The following PRPSAP1 variants were observed in gnomAD, a reference collection of about 807,000 sequenced individuals.
PRPSAP1 encodes the protein phosphoribosyl pyrophosphate synthase-associated protein 1.
In PRPSAP1, 31 loss-of-function variants were observed where a neutral mutation model predicts 39.4. That is an observed-to-expected ratio of 0.79 (90% CI 0.59 to 1.06). The LOEUF (loss-of-function observed/expected upper bound fraction) is 1.06. PRPSAP1 is among the 50% of genes least tolerant of loss of function. The probability of loss-of-function intolerance (pLI) is 0.00; values close to 1 mark genes in which losing one functional copy is unlikely to be tolerated. For missense variants in PRPSAP1, 430 were observed against 511.6 expected (o/e 0.84, Z 1.54); for synonymous variants, 212 against 192.6 (o/e 1.10, Z -0.83).
intron 3 of PRPSAP1, among the ~76,000 whole-genome samples, chr17:76,341,610 G>A (rs2071439708): frequency 6.6e-6 from 1 of 152,192 alleles, no homozygotes. Context: ...AATTAGGGTA[G>A]TAAAGAGACT....
chr17:76,351,959 G>T (rs2071578646), intron 1 of PRPSAP1, among the ~76,000 whole-genome samples: 1 of 151,522 alleles, frequency 6.6e-6, no homozygotes, highest in Non-Finnish European at 1.5e-5. Flanking sequence ...GTTGGCCTCA[G>T]AAAGAAAGAC....
At chr17:76,325,265 C>T (rs867943455) in intron 7 of PRPSAP1, among the ~76,000 whole-genome samples, 3 of 149,834 alleles carry the variant, frequency 2.0e-5, no homozygotes, top group East Asian at 2.0e-4. Flanking sequence ...AAAAATTACC[C>T]GGGCGTGGTA....
intron 7 of PRPSAP1, among the ~76,000 whole-genome samples, chr17:76,321,596 C>T (rs2071199462): frequency 6.6e-6 from 1 of 152,116 alleles, no homozygotes; most frequent in African/African-American, 2.4e-5. Flanking sequence ...CTGTTCCCGT[C>T]TCTTCCTCTT....
At chr17:76,325,522 C>A (rs988357921) in intron 7 of PRPSAP1, among the ~76,000 whole-genome samples, 24 of 151,046 alleles carry the variant, frequency 1.6e-4, no homozygotes, top group Non-Finnish European at 2.5e-4. Flanking sequence ...CAACAACCAC[C>A]ACCCTGATCA....
In PRPSAP1 at chr17:76,311,687, T is replaced by A; in HGVS notation, c.1013A>T (p.Asn338Ile). Residue 338 changes from asparagine (N) to isoleucine (I), a missense_variant, in exon 10 of 10, where the codon AAT becomes ATT. Physicochemically the swap from Asn to Ile is moderately radical, Grantham distance 149. Transcript: ENST00000446526. ...ESSVDEVVVT[N>I]TVPHEVQKLQ... is the part of the protein sequence containing the mutation. ...CTTCTGAACCTCATGAGGGACAGTATTCGTCACCACCACCTAGTCACACAG... is the reference window on the plus strand; with the variant it reads ...CTTCTGAACCTCATGAGGGACAGTAATCGTCACCACCACCTAGTCACACAG... 1 of 1,613,898 alleles carries A rather than the reference T, an allele frequency of 6.2e-7. No homozygotes were observed. Among genetic ancestry groups the A allele is most frequent in the Non-Finnish European group, 8.5e-7 (1 of 1,179,926 alleles).
intron 1 of PRPSAP1, among the ~76,000 whole-genome samples, chr17:76,350,739 G>A (rs2143557345): frequency 6.6e-6 from 1 of 152,016 alleles, no homozygotes; most frequent in Non-Finnish European, 1.5e-5. Flanking sequence ...CTTAAAAATG[G>A]TTAAAAAGGT....
intron 6 of PRPSAP1, 123 bp from the exon 7 acceptor site, chr17:76,328,985 A>G (rs1410706902): frequency 4.2e-6 from 5 of 1,182,354 alleles, no homozygotes; most frequent in Non-Finnish European, 5.8e-6. Flanking sequence ...GGCATTATTT[A>G]TATAAATGAG....
intron 9 of PRPSAP1, among the ~76,000 whole-genome samples, chr17:76,312,434 T>C (rs1237806401): frequency 8.1e-6 from 1 of 123,884 alleles, no homozygotes; most frequent in Non-Finnish European, 1.5e-5. Context: ...CAAGATTCCA[T>C]CTCAAAAAAA....
chr17:76,321,178 C>G lies in PRPSAP1; in HGVS notation c.782-7287G>C, dbSNP rs560109673. Among the ~76,000 whole-genome samples the G allele has an allele frequency of 7.8e-4, 118 of 152,164 alleles. 2 individuals are homozygous for G. The highest frequency in any genetic ancestry group is 2.7e-3 in the African/African-American group (112 of 41,508). ...ATTTCCACTTTTCTCATTATTGTTA[C>G]GTCTTTTCTGGTATCTGTAATCAGT... On this transcript the variant is annotated intron_variant, in intron 7 of 9. Coordinates refer to ENST00000446526, the MANE Select transcript of PRPSAP1 (RefSeq NM_002766.3).
intron 7 of PRPSAP1, among the ~76,000 whole-genome samples, chr17:76,314,877 C>CA (rs2071106760): frequency 1.3e-5 from 2 of 152,202 alleles, no homozygotes; most frequent in Admixed American, 1.3e-4. Context: ...ATAGAAACCC[C>CA]ACTCTCACAG....
chr17:76,345,891 A>G, intron 2 of PRPSAP1: 1 of 420,132 alleles, frequency 2.4e-6, no homozygotes, highest in Non-Finnish European at 4.6e-6. Context: ...CCAAGGTGAA[A>G]GACGAACCAC....
chr17:76,341,741 C>T (rs1268086238), intron 3 of PRPSAP1, among the ~76,000 whole-genome samples: 1 of 152,136 alleles, frequency 6.6e-6, no homozygotes, highest in Non-Finnish European at 1.5e-5. Flanking sequence ...AGATCGAGAC[C>T]ATCCTGGCTA....
At chr17:76,338,207 A>G (rs1443552230) in intron 3 of PRPSAP1, among the ~76,000 whole-genome samples, 1 of 152,176 alleles carries the variant, frequency 6.6e-6, no homozygotes, top group African/African-American at 2.4e-5. Context: ...TTCCAAAGCT[A>G]TTCCAAGCAA....
rs746071124 is a variant in PRPSAP1 at position 76,330,714 on chromosome 17, T to G, written c.464-48A>C. On this transcript the variant is annotated intron_variant, in intron 4 of 9. Transcript: ENST00000446526. ...TACAAAGTTCACCCCTACAGGTAAA[T>G]GGCTACAGTGGACCTAAACTAGATG... 2.5e-6 allele frequency: 3 copies of G among 1,223,670 alleles called. No homozygotes were observed. The African/African-American group carries it at 4.5e-5, about 19-fold the overall frequency. 75.8% of individuals were successfully genotyped at this position (1,223,670 alleles called of 1,614,324 possible). A position where few individuals can be genotyped will look rare whatever the true frequency, so the allele number is the denominator to read the frequency against.
At chr17:76,351,351 T>C (rs2071568371) in intron 1 of PRPSAP1, among the ~76,000 whole-genome samples, 1 of 152,060 alleles carries the variant, frequency 6.6e-6, no homozygotes, top group African/African-American at 2.4e-5. Context: ...CCGTCTCTAC[T>C]AAAAATACAA....
intron 3 of PRPSAP1, chr17:76,337,258 T>C (rs1039613788): frequency 2.0e-5 from 3 of 152,140 alleles, no homozygotes; most frequent in African/African-American, 7.2e-5. Context: ...CCACATCCTA[T>C]ATTAAGTCCA....
At chr17:76,348,785 CCAGA>C (rs1169584263) in intron 1 of PRPSAP1, among the ~76,000 whole-genome samples, 7 of 152,290 alleles carry the variant, frequency 4.6e-5, no homozygotes, top group African/African-American at 1.7e-4. Context: ...TACTGCTTTA[CCAGA>C]CAGAGCTCAC....
intron 9 of PRPSAP1, among the ~76,000 whole-genome samples, chr17:76,312,198 T>C (rs1014327891): frequency 6.6e-6 from 1 of 152,170 alleles, no homozygotes; most frequent in African/African-American, 2.4e-5. Flanking sequence ...CCTAGCACTT[T>C]GGGAGGCCGA....
At chr17:76,316,504 G>A (rs557837873) in intron 7 of PRPSAP1, among the ~76,000 whole-genome samples, 4 of 152,146 alleles carry the variant, frequency 2.6e-5, no homozygotes, top group South Asian at 2.1e-4. Context: ...TTATTACAGG[G>A]TAGAAAAAAA....
Sources: gnomAD v4.1 joint callset for allele counts (sites outside exome capture counted in the v4.1 genomes callset) on GRCh38, gnomAD v4.1.1 for gene constraint, MANE v1.5 for transcripts, NCBI Gene and HGNC (gene_info 2026-07-23, HGNC 2026-07-21) for gene names.